Variants in UBE3D observed in about 807,000 individuals in gnomAD.
The protein encoded by UBE3D is ubiquitin protein ligase E3D.
Under a neutral mutation model 49.6 loss-of-function variants are expected in UBE3D, and 48 were observed. That is an observed-to-expected ratio of 0.97 (90% CI 0.77 to 1.23). UBE3D has a LOEUF of 1.23. UBE3D is among the 50% of genes most tolerant of loss of function. The probability of loss-of-function intolerance (pLI) is 0.00; values close to 1 mark genes in which losing one functional copy is unlikely to be tolerated. For missense variants in UBE3D, 452 were observed against 468.4 expected (o/e 0.96, Z 0.32); for synonymous variants, 189 against 174.2 (o/e 1.08, Z -0.67).
intron 4 of UBE3D, among the ~76,000 whole-genome samples, chr6:83,041,918 AT>A (rs552781241): frequency 2.0e-3 from 296 of 148,518 alleles, no homozygotes; most frequent in Non-Finnish European, 3.7e-3. Flanking sequence ...CTATTATATA[AT>A]TTTTTTTTTT....
intron 8 of UBE3D, among the ~76,000 whole-genome samples, chr6:83,011,584 G>A (rs1220241112): frequency 6.6e-6 from 1 of 152,192 alleles, no homozygotes; most frequent in Non-Finnish European, 1.5e-5. Context: ...TTGTGGAGTA[G>A]TAGACTGATT....
At chr6:83,042,421 A>G (rs1782740000) in intron 4 of UBE3D, among the ~76,000 whole-genome samples, 9 of 152,222 alleles carry the variant, frequency 5.9e-5, no homozygotes, top group Admixed American at 5.9e-4. Context: ...CTGTTTTTAA[A>G]AGCAGATCTT....
intron 1 of UBE3D, among the ~76,000 whole-genome samples, chr6:83,060,972 T>G (rs746463916): frequency 8.5e-5 from 13 of 152,140 alleles, no homozygotes; most frequent in Non-Finnish European, 1.9e-4. Context: ...CCTCTCCAAT[T>G]ACTGATTATG....
Position 82,911,211 on chromosome 6 carries a change from A to AAC in UBE3D, c.1150-18170_1150-18169insGT, listed in dbSNP as rs1554183154. Among the ~76,000 whole-genome samples the AAC allele has an allele frequency of 1.4e-3, 206 of 150,860 alleles. 3 individuals are homozygous for AAC. The highest frequency in any genetic ancestry group is 4.7e-3 in the African/African-American group (191 of 41,068). ...AACATTTTGGCAAAAAAAAAAAAAA[A>AAC]AAAAAAAAAAAACTCAGGGGGGACA... On this transcript the variant is annotated intron_variant, in intron 9 of 9. Coordinates refer to ENST00000369747, the MANE Select transcript of UBE3D (RefSeq NM_198920.3).
chr6:82,944,202 T>C (rs2127759256), intron 9 of UBE3D, among the ~76,000 whole-genome samples: 1 of 152,284 alleles, frequency 6.6e-6, no homozygotes, highest in Admixed American at 6.5e-5. Context: ...AGAGACCCCT[T>C]CCTTTCACTT....
Position 82,968,312 on chromosome 6 carries a change from A to G in UBE3D, c.1011-10862T>C, listed in dbSNP as rs575618966. ...CTTTTAACCTCCCTCACCTCTCCCTATTTCCCCTGCCCCCCACCCCATCAC... is the reference window on the plus strand; with the variant it reads ...CTTTTAACCTCCCTCACCTCTCCCTGTTTCCCCTGCCCCCCACCCCATCAC... On this transcript the variant is annotated intron_variant, in intron 8 of 9. Transcript: ENST00000369747. Among the ~76,000 whole-genome samples the G allele has an allele frequency of 3.4e-5, 5 of 149,138 alleles. No individual in the cohort carries two copies. In the South Asian group the frequency reaches 8.7e-4, roughly 26 times the overall value.
chr6:82,972,373 C>G (rs928502271), intron 8 of UBE3D, among the ~76,000 whole-genome samples: 1 of 152,194 alleles, frequency 6.6e-6, no homozygotes, highest in Non-Finnish European at 1.5e-5. Flanking sequence ...GTGGATTTCT[C>G]TGACCCATTA....
rs780867854 is a variant in UBE3D, at chr6:83,065,723, G to T, written c.-5C>A. 1.3e-5 allele frequency: 21 copies of T among 1,610,054 alleles called. No individual in the cohort carries two copies. In the East Asian group the frequency reaches 4.3e-4, roughly 33 times the overall value. ...CTCCGCCGCAGAAGCCGCCATGGCAGGCTTCCAGTCCCAGACCGGACCAAG... is the reference window on the plus strand; with the variant it reads ...CTCCGCCGCAGAAGCCGCCATGGCATGCTTCCAGTCCCAGACCGGACCAAG... On this transcript the variant is annotated 5_prime_UTR_variant, in exon 1 of 10. It adds an upstream start codon to the 5' untranslated region. Transcript: ENST00000369747.
At chr6:83,015,678 G>T (rs573661919) in intron 8 of UBE3D, among the ~76,000 whole-genome samples, 8 of 152,302 alleles carry the variant, frequency 5.3e-5, no homozygotes, top group African/African-American at 1.9e-4. Context: ...GGCCTGCCAG[G>T]ACTTTAGTCT....
intron 8 of UBE3D, among the ~76,000 whole-genome samples, chr6:83,000,970 G>C (rs1261937953): frequency 2.6e-5 from 4 of 151,948 alleles, no homozygotes; most frequent in African/African-American, 9.7e-5. Flanking sequence ...TCAGCCTCCT[G>C]AGTAGCTAGA....
At chr6:82,997,154 C>A (rs1412647477) in intron 8 of UBE3D, among the ~76,000 whole-genome samples, 1 of 152,066 alleles carries the variant, frequency 6.6e-6, no homozygotes, top group Non-Finnish European at 1.5e-5. Context: ...AATAAATATA[C>A]CCCAAGAACA....
In UBE3D at chr6:83,032,766, C is replaced by T. The variant is rs183570687; in HGVS notation, c.667+5650G>A. Among the ~76,000 whole-genome samples, 462 of 152,086 alleles carry T rather than the reference C, an allele frequency of 3.0e-3. 1 individual carries two copies. The highest frequency in any genetic ancestry group is 9.8e-3 in the African/African-American group (405 of 41,494). On this transcript the variant is annotated intron_variant, in intron 5 of 9. Coordinates refer to ENST00000369747, the MANE Select transcript of UBE3D (RefSeq NM_198920.3). ...GTGGGAATTAACTGAATCATGGGGG[C>T]GGGGTTTTCCTGTCCTGTTCTTGTG...
intron 9 of UBE3D, among the ~76,000 whole-genome samples, chr6:82,934,071 G>A (rs1394825808): frequency 6.6e-6 from 1 of 152,126 alleles, no homozygotes; most frequent in East Asian, 1.9e-4. Flanking sequence ...TGAATCCTGG[G>A]TGCTGTTTCC....
chr6:83,009,952 T>C (rs1017999477), intron 8 of UBE3D, among the ~76,000 whole-genome samples: 4 of 151,458 alleles, frequency 2.6e-5, no homozygotes, highest in South Asian at 2.1e-4. Context: ...TTCATGGCCA[T>C]GATGCATGAG....
intron 4 of UBE3D, among the ~76,000 whole-genome samples, chr6:83,039,424 T>C (rs1782491436): frequency 6.6e-6 from 1 of 152,204 alleles, no homozygotes; most frequent in African/African-American, 2.4e-5. Context: ...GCATAAATAA[T>C]TTCCTGAAAA....
chr6:82,989,938 GAA>G (rs375529808), intron 8 of UBE3D, among the ~76,000 whole-genome samples: 43 of 152,296 alleles, frequency 2.8e-4, no homozygotes, highest in African/African-American at 1.0e-3. Context: ...AGAAACTGGT[GAA>G]AGTTATGAAC....
At chr6:82,935,560 A>G (rs1320289542) in intron 9 of UBE3D, among the ~76,000 whole-genome samples, 1 of 152,210 alleles carries the variant, frequency 6.6e-6, no homozygotes, top group Non-Finnish European at 1.5e-5. Flanking sequence ...GAGTTCTTAC[A>G]TGTATTCTGA....
At chr6:82,909,876 C>T (rs908749382) in intron 9 of UBE3D, among the ~76,000 whole-genome samples, 4 of 152,140 alleles carry the variant, frequency 2.6e-5, no homozygotes, top group Admixed American at 6.5e-5. Context: ...AAATTGGATG[C>T]GATCCTTCCC....
chr6:83,013,048 T>C (rs147959183), intron 8 of UBE3D, among the ~76,000 whole-genome samples: 3,538 of 152,290 alleles, frequency 0.023, 59 homozygotes, highest in Non-Finnish European at 0.037. Flanking sequence ...ATGGAGACCA[T>C]GGGCATTTGA....
Sources: gnomAD v4.1 joint callset for allele counts (sites outside exome capture counted in the v4.1 genomes callset) on GRCh38, gnomAD v4.1.1 for gene constraint, MANE v1.5 for transcripts, NCBI Gene and HGNC (gene_info 2026-07-23, HGNC 2026-07-21) for gene names.